The following MYO7B variants were observed in gnomAD, a reference collection of about 807,000 sequenced individuals.
The protein encoded by MYO7B is unconventional myosin-VIIb.
MYO7B carries 212 observed loss-of-function variants against 259.7 expected under a neutral mutation model. The ratio of observed to expected loss-of-function variants is 0.82; its 90% CI spans 0.73 to 0.91. The LOEUF (loss-of-function observed/expected upper bound fraction) is 0.91, where lower values mean the gene tolerates loss of function less well. MYO7B is among the 40% of genes least tolerant of loss of function. MYO7B has a pLI of 0.00. For missense variants in MYO7B, 2,732 were observed against 2,813.5 expected, an observed-to-expected ratio of 0.97 and a Z score of 0.66; for synonymous variants, 1,197 against 1,166.4, an observed-to-expected ratio of 1.03 and a Z score of -0.54.
rs752058859 is a variant in MYO7B at position 127,584,159 on chromosome 2, C to G, written c.1381C>G (p.Leu461Val). ...QLCINFANEH[L>V]QQFFVQHVFT... ...CTGCATCAACTTCGCCAACGAGCACCTGCAGCAGTTCTTTGTGCAGCACGT... is the reference window on the plus strand; with the variant it reads ...CTGCATCAACTTCGCCAACGAGCACGTGCAGCAGTTCTTTGTGCAGCACGT... Residue 461 changes from leucine (L) to valine (V), a missense_variant, in exon 13 of 48, where the codon CTG (leucine) becomes GTG (valine). Physicochemically the swap from Leu to Val is conservative, Grantham distance 32. This residue lies in a region of MYO7B where 1,906 missense variants were observed against 2,026.4 expected (regional missense o/e 0.94). Transcript: ENST00000409816. The surrounding 1 kb of genome is among the most constrained non-coding windows in gnomAD (Gnocchi z 5.8). 1 of 1,613,950 alleles carries G rather than the reference C, an allele frequency of 6.2e-7. No individual in the cohort carries two copies. Among genetic ancestry groups the G allele is most frequent in the Non-Finnish European group, 8.5e-7 (1 of 1,179,870 alleles).
In MYO7B at chr2:127,582,304, G is replaced by A. The variant is rs1381504195; in HGVS notation, c.1201G>A (p.Gly401Ser). The A allele has an allele frequency of 6.2e-7, 1 of 1,612,744 alleles. No homozygotes were observed. Among genetic ancestry groups the A allele is most frequent in the Admixed American group, 1.7e-5 (1 of 59,864 alleles). Residue 401 changes from glycine (G) to serine (S), a missense_variant and splice_region_variant, in exon 12 of 48, where the codon GGC becomes AGC. Physicochemically the swap from Gly to Ser is moderately conservative, Grantham distance 56. This residue lies in a region of MYO7B where 1,906 missense variants were observed against 2,026.4 expected (regional missense o/e 0.94). Transcript: ENST00000409816. The part of the protein sequence containing the change: ...AADRRDAFVK[G>S]IYGHLFLWIV... ...TTCTCCCACCCCCGTGTCTCTCCAG[G>A]GCATCTATGGGCACCTCTTCCTGTG...
rs1030439907 is a variant in MYO7B at position 127,546,086 on chromosome 2, C to T, written c.-24+10255C>T. Among the ~76,000 whole-genome samples the T allele has an allele frequency of 6.6e-6, 1 of 152,216 alleles. No homozygotes were observed. The highest frequency in any genetic ancestry group is 1.5e-5 in the Non-Finnish European group (1 of 68,040). On this transcript the variant is annotated intron_variant, in intron 1 of 47. Coordinates refer to ENST00000409816, the MANE Select transcript of MYO7B (RefSeq NM_001393586.1). This position sits in a 1 kb window ranked among gnomAD's most constrained non-coding sequence, Gnocchi z 4.2. ...CAGGGAATAGGCAGTCAGCTGGTGG[C>T]ATAGGAGAACTTCCAAGTCTTACTC...
chr2:127,631,383 T>C lies in MYO7B; in HGVS notation c.5095+20T>C. ...TTGTCGATATCCTTCCCCACCAGCCTGCCTGCACCTCGTCAATGCCAGGGC... is the reference window on the plus strand; with the variant it reads ...TTGTCGATATCCTTCCCCACCAGCCCGCCTGCACCTCGTCAATGCCAGGGC... On this transcript the variant is annotated intron_variant, in intron 37 of 47. Transcript: ENST00000409816. 6.3e-7 allele frequency: 1 copy of C among 1,594,276 alleles called. No homozygotes were observed.
intron 3 of MYO7B, 48 bp from the exon 4 acceptor site, chr2:127,565,185 A>G: frequency 1.9e-6 from 3 of 1,582,770 alleles, no homozygotes; most frequent in Non-Finnish European, 8.6e-7. Flanking sequence ...CAGGCTGGCC[A>G]TGGGGATGGA....
rs572348030 is a variant in MYO7B, at chr2:127,615,881, A to C, written c.3398+3278A>C. Among the ~76,000 whole-genome samples the C allele has an allele frequency of 1.3e-5, 2 of 152,212 alleles. No homozygotes were observed. Among genetic ancestry groups the C allele is most frequent in the Non-Finnish European group, 2.9e-5 (2 of 68,034 alleles). On this transcript the variant is annotated intron_variant, in intron 26 of 47. Coordinates refer to ENST00000409816, the MANE Select transcript of MYO7B (RefSeq NM_001393586.1). This position sits in a 1 kb window ranked among gnomAD's most constrained non-coding sequence, Gnocchi z 4.4. ...TTCGCATTCAGCTGGTACTGGGGGA[A>C]CCAGGCCCGTGGTTGGGATCCACAG...
chr2:127,594,618 G>T (rs1047451568), intron 18 of MYO7B, among the ~76,000 whole-genome samples: 1 of 152,126 alleles, frequency 6.6e-6, no homozygotes, highest in Non-Finnish European at 1.5e-5. Context: ...GTCATAAATG[G>T]CTCTTATTAT....
intron 2 of MYO7B, among the ~76,000 whole-genome samples, chr2:127,562,686 C>G (rs1678155764): frequency 2.0e-5 from 3 of 151,996 alleles, no homozygotes; most frequent in Admixed American, 1.3e-4. Flanking sequence ...TGGGGTTTCA[C>G]TATGTTGGCC....
In MYO7B at chr2:127,609,682, G is replaced by A. The variant is rs768776519; in HGVS notation, c.2991G>A (p.Pro997=). The change falls in exon 23 of 48, where the codon CCG becomes CCA. Residue 997 remains proline (P), a synonymous_variant. Transcript: ENST00000409816. This position sits in a 1 kb window ranked among gnomAD's most constrained non-coding sequence, Gnocchi z 6.9. ...ACATCCGGCGGCCCCTCCGATACCCGTTGCTTTACCACGAAGATGACACTG... is the reference window on the plus strand; with the variant it reads ...ACATCCGGCGGCCCCTCCGATACCCATTGCTTTACCACGAAGATGACACTG... The part of the protein sequence containing the change: ...HTHIRRPLRY[P]LLYHEDDTDC... The A allele has an allele frequency of 1.2e-5, 19 of 1,613,836 alleles. No individual in the cohort carries two copies. Among genetic ancestry groups the A allele is most frequent in the Admixed American group, 3.3e-5 (2 of 60,008 alleles).
At position 127,630,973 on chromosome 2, in the gene MYO7B, A is replaced by G; in HGVS notation, c.4937+65A>G. Reference sequence around the variant, plus strand: ...TCCCAGCCCCACCTCACCTCATTGCACCCCCTGCTCCCAGCCCCGCTCCAC... The same window carrying G: ...TCCCAGCCCCACCTCACCTCATTGCGCCCCCTGCTCCCAGCCCCGCTCCAC... On this transcript the variant is annotated intron_variant, in intron 36 of 47. Coordinates refer to ENST00000409816, the MANE Select transcript of MYO7B (RefSeq NM_001393586.1). 3 of 1,455,882 alleles carry G rather than the reference A, an allele frequency of 2.1e-6. No homozygotes were observed. In the South Asian group the frequency reaches 3.9e-5, roughly 19 times the overall value. The allele number at this position is 1,455,882 out of a possible 1,614,324, so 90.2% of individuals were successfully genotyped here.
rs763795846 is a variant in MYO7B at position 127,628,366 on chromosome 2, C to A, written c.4461-6C>A. The stretch of plus-strand genomic sequence containing the variant: ...GGCTCCTGGTCACGCTGTCCTTCAT[C>A]TCCAGGGAGGCCCAGGGCGGGCAGA... On this transcript the variant is annotated splice_polypyrimidine_tract_variant and splice_region_variant and intron_variant, in intron 33 of 47. Coordinates refer to ENST00000409816, the MANE Select transcript of MYO7B (RefSeq NM_001393586.1). The surrounding 1 kb of genome is among the most constrained non-coding windows in gnomAD (Gnocchi z 4.8). The A allele has an allele frequency of 6.3e-7, 1 of 1,597,046 alleles. No individual in the cohort carries two copies. Among genetic ancestry groups the A allele is most frequent in the Non-Finnish European group, 8.5e-7 (1 of 1,174,288 alleles).
In MYO7B at chr2:127,636,814, C is replaced by T; in HGVS notation, c.6228C>T (p.Pro2076=). ...CCCAGGACCTGCTCACCACCTATCC[C>T]TTCACCAAGATCTCCAGCTGGAGCA... ...PKTKDLLTTY[P]FTKISSWSSG... Residue 2076 remains proline (P), a synonymous_variant, in exon 47 of 48, where the codon CCC becomes CCT. Coordinates refer to ENST00000409816, the MANE Select transcript of MYO7B (RefSeq NM_001393586.1). This position sits in a 1 kb window ranked among gnomAD's most constrained non-coding sequence, Gnocchi z 4.5. 6.2e-7 allele frequency: 1 copy of T among 1,613,770 alleles called. No individual in the cohort carries two copies. The highest frequency in any genetic ancestry group is 8.5e-7 in the Non-Finnish European group (1 of 1,179,882).
intron 1 of MYO7B, among the ~76,000 whole-genome samples, chr2:127,555,101 C>T (rs1300602630): frequency 6.6e-6 from 1 of 152,112 alleles, no homozygotes; most frequent in Non-Finnish European, 1.5e-5. Flanking sequence ...GTGCCCACCA[C>T]CATGCCTGGC....
At position 127,577,330 on chromosome 2, in the gene MYO7B, C is replaced by A. The variant is rs1005299824; in HGVS notation, c.849+622C>A. On this transcript the variant is annotated intron_variant, in intron 8 of 47. Transcript: ENST00000409816. This position sits in a 1 kb window ranked among gnomAD's most constrained non-coding sequence, Gnocchi z 5.2. The stretch of plus-strand genomic sequence containing the variant: ...CAGCCCCTGCCTAGACTTCATGGGT[C>A]CCCCATCGCCAGTCTTGACCTCTAA... Among the ~76,000 whole-genome samples, 1 of 152,170 alleles carries A rather than the reference C, an allele frequency of 6.6e-6. No individual in the cohort carries two copies. The highest frequency in any genetic ancestry group is 6.5e-5 in the Admixed American group (1 of 15,286).
chr2:127,541,645 T>C (rs1693007848), intron 1 of MYO7B, among the ~76,000 whole-genome samples: 2 of 152,188 alleles, frequency 1.3e-5, no homozygotes, highest in East Asian at 1.9e-4. Flanking sequence ...GTGTCAAGTG[T>C]GTGTACATGG....
At position 127,629,645 on chromosome 2, in the gene MYO7B, A is replaced by C. The variant is rs1573720676; in HGVS notation, c.4625A>C (p.Asp1542Ala). The C allele has an allele frequency of 6.2e-7, 1 of 1,611,478 alleles. No individual in the cohort carries two copies. The highest frequency in any genetic ancestry group is 8.5e-7 in the Non-Finnish European group (1 of 1,179,246). ...GCAAATAGCCTCCCTGCCCTTACAG[A>C]TGACACCACCCTCCTGGCCTTCAAG... Reference protein sequence around the residue: ...AMALQDRKATDDTTLLAFKKG... With the variant: ...AMALQDRKATADTTLLAFKKG... The change falls in exon 35 of 48, where the codon GAT (aspartate) becomes GCT (alanine). Residue 1542 changes from aspartate to alanine, a missense_variant and splice_region_variant. Around this residue, in one of 3 missense-constraint regions of MYO7B, gnomAD observed 5 missense variants for 17.7 expected, o/e 0.28. Coordinates refer to ENST00000409816, the MANE Select transcript of MYO7B (RefSeq NM_001393586.1).
chr2:127,628,351 C>T lies in MYO7B; in HGVS notation c.4461-21C>T. 1.3e-6 allele frequency: 2 copies of T among 1,587,678 alleles called. No homozygotes were observed. Among genetic ancestry groups the T allele is most frequent in the Non-Finnish European group, 1.7e-6 (2 of 1,169,836 alleles). ...GGGGAAGGTGGAGGGGGCTCCTGGT[C>T]ACGCTGTCCTTCATCTCCAGGGAGG... is the stretch of plus-strand genomic sequence containing the variant. On this transcript the variant is annotated intron_variant, in intron 33 of 47. Coordinates refer to ENST00000409816, the MANE Select transcript of MYO7B (RefSeq NM_001393586.1). This position sits in a 1 kb window ranked among gnomAD's most constrained non-coding sequence, Gnocchi z 4.8.
At chr2:127,623,529 A>G (rs1262508107) in intron 29 of MYO7B, among the ~76,000 whole-genome samples, 154 bp downstream of exon 29, 1 of 152,126 alleles carries the variant, frequency 6.6e-6, no homozygotes, top group East Asian at 1.9e-4. Context: ...CACCAGGCAC[A>G]GGCAGGTGCA....
At chr2:127,606,524 G>T (rs531603694) in intron 20 of MYO7B, among the ~76,000 whole-genome samples, 1 of 152,310 alleles carries the variant, frequency 6.6e-6, no homozygotes, top group East Asian at 1.9e-4. Flanking sequence ...CTGTTGCTTC[G>T]CATACATCAT....
chr2:127,620,150 A>C, intron 26 of MYO7B, 190 bp from the exon 27 acceptor site: 1 of 542,814 alleles, frequency 1.8e-6, no homozygotes, highest in East Asian at 3.1e-5. Flanking sequence ...TGGGAGAGGA[A>C]TCGAGTAGGG....
Sources: gnomAD v4.1 joint callset for allele counts (sites outside exome capture counted in the v4.1 genomes callset) on GRCh38, gnomAD v4.1.1 for gene constraint, gnomAD v4.1.1 regional missense constraint, Gnocchi (gnomAD v3.1) non-coding constraint, MANE v1.5 for transcripts, NCBI Gene and HGNC (gene_info 2026-07-23, HGNC 2026-07-21) for gene names.